TUBA4A: variants seen among roughly 807,000 people sequenced by gnomAD.
The protein encoded by TUBA4A is tubulin alpha-4A chain.
TUBA4A carries 23 observed loss-of-function variants against 34.3 expected under a neutral mutation model. That is an observed-to-expected ratio of 0.67 (90% CI 0.48 to 0.95). The LOEUF is 0.95. Among genes scored for constraint, TUBA4A ranks in the 40% least tolerant of loss-of-function variants. TUBA4A has a pLI of 0.00. For missense variants in TUBA4A, 279 were observed against 599.0 expected (o/e 0.47, Z 5.58); for synonymous variants, 216 against 230.5 (o/e 0.94, Z 0.57).
rs1241361124 is a variant in TUBA4A at position 219,252,134 on chromosome 2, C to T, written c.100G>A (p.Gly34Arg). ...YCLEHGIQPDGQMPSDKTIGG... is the reference protein window; with the variant it reads ...YCLEHGIQPDRQMPSDKTIGG... ...ATGGTCTTGTCACTGGGCATCTGCC[C>T]ATCAGGCTGAATCCCATGTTCCAAG... is the stretch of plus-strand genomic sequence containing the variant. The change falls in exon 2 of 4, where the codon GGG becomes AGG. Residue 34 changes from glycine to arginine, a missense_variant. Gly to Arg is a moderately radical substitution (Grantham distance 125, BLOSUM62 -2). Around this residue, in one of 3 missense-constraint regions of TUBA4A, gnomAD observed 98 missense variants for 171.1 expected, o/e 0.57. Transcript: ENST00000248437. This position sits in a 1 kb window ranked among gnomAD's most constrained non-coding sequence, Gnocchi z 4.1. 1 of 1,614,212 alleles carries T rather than the reference C, an allele frequency of 6.2e-7. No individual in the cohort carries two copies.
chr2:219,253,766 T>G (rs1951688372), intron 1 of TUBA4A, 90 bp downstream of exon 1: 1 of 1,456,126 alleles, frequency 6.9e-7, no homozygotes, highest in African/African-American at 1.4e-5. Context: ...GAACGCCCGG[T>G]GGAGGTCCCC....
Position 219,250,508 on chromosome 2 carries a change from C to T in TUBA4A, c.1191G>A (p.Leu397=). ...GCACAAACGCCCTCTTGGCATACAT[C>T]AGGTCGAACTTGTGGTCCAGGCGGG... is the stretch of plus-strand genomic sequence containing the variant. The part of the protein sequence containing the change: ...AWARLDHKFD[L]MYAKRAFVHW... The change falls in exon 4 of 4, where the codon CTG becomes CTA. Residue 397 remains leucine, a synonymous_variant. Coordinates refer to ENST00000248437, the MANE Select transcript of TUBA4A (RefSeq NM_006000.3). The surrounding 1 kb of genome is among the most constrained non-coding windows in gnomAD (Gnocchi z 8.4). 1 of 1,614,230 alleles carries T rather than the reference C, an allele frequency of 6.2e-7. No homozygotes were observed. Among genetic ancestry groups the T allele is most frequent in the South Asian group, 1.1e-5 (1 of 91,080 alleles).
At position 219,250,763 on chromosome 2, in the gene TUBA4A, G is replaced by A. The variant is rs1032982305; in HGVS notation, c.936C>T (p.Tyr312=). Residue 312 remains tyrosine, a synonymous_variant, in exon 4 of 4, where the codon TAC becomes TAT. Transcript: ENST00000248437. This position sits in a 1 kb window ranked among gnomAD's most constrained non-coding sequence, Gnocchi z 8.4. ...CACGGTACAGCAGGCAGCAGGCCAT[G>A]TACTTGCCGTGCCGGGGATCACACT... The part of the protein sequence containing the change: ...MVKCDPRHGK[Y]MACCLLYRGD... 18 of 1,614,130 alleles carry A rather than the reference G, an allele frequency of 1.1e-5. No individual in the cohort carries two copies. In the African/African-American group the frequency reaches 1.5e-4, roughly 13 times the overall value.
intron 1 of TUBA4A, 55 bp downstream of exon 1, chr2:219,253,801 C>T: frequency 6.5e-7 from 1 of 1,537,818 alleles, no homozygotes; most frequent in Non-Finnish European, 8.8e-7. Flanking sequence ...GAAGTGTCCC[C>T]CAAAGGAGAG....
rs1951621336 is a variant in TUBA4A, at chr2:219,250,173, G to T, written c.*179C>A. The T allele has an allele frequency of 2.2e-6, 2 of 918,676 alleles. No individual in the cohort carries two copies. The highest frequency in any genetic ancestry group is 1.6e-5 in the South Asian group (1 of 60,696). 56.9% of individuals were successfully genotyped at this position (918,676 alleles called of 1,614,324 possible). ...GGGCCTGGCAAGAACCCCTTTGCAG[G>T]TCTCACCTTCAGCGATGGAAGGGAT... is the stretch of plus-strand genomic sequence containing the variant. On this transcript the variant is annotated 3_prime_UTR_variant, in exon 4 of 4. Transcript: ENST00000248437. The surrounding 1 kb of genome is among the most constrained non-coding windows in gnomAD (Gnocchi z 8.4).
Position 219,252,862 on chromosome 2 carries a change from T to C in TUBA4A, c.4-632A>G, listed in dbSNP as rs1951671101. The stretch of plus-strand genomic sequence containing the variant: ...AGACAGCAGGGGCCAGCAATAAGGT[T>C]TGAGGGTACTGGGGCGCTCACTGCC... On this transcript the variant is annotated intron_variant, in intron 1 of 3. Transcript: ENST00000248437. This position sits in a 1 kb window ranked among gnomAD's most constrained non-coding sequence, Gnocchi z 4.1. The C allele has an allele frequency of 4.2e-6, 2 of 472,254 alleles. No individual in the cohort carries two copies. The highest frequency in any genetic ancestry group is 2.3e-5 in the Admixed American group (1 of 42,564). 29.3% of individuals were successfully genotyped at this position (472,254 alleles called of 1,614,324 possible).
Position 219,252,696 on chromosome 2 carries a change from C to G in TUBA4A, c.4-466G>C. The G allele has an allele frequency of 2.2e-6, 1 of 449,690 alleles. No homozygotes were observed. Among genetic ancestry groups the G allele is most frequent in the Admixed American group, 2.4e-5 (1 of 41,406 alleles). 27.9% of individuals were successfully genotyped at this position (449,690 alleles called of 1,614,324 possible). ...GCCATCAGGATGCCCTCCTCCCTCA[C>G]CTTTAAATCCCATCTGGCTCTGGGG... On this transcript the variant is annotated intron_variant, in intron 1 of 3. Coordinates refer to ENST00000248437, the MANE Select transcript of TUBA4A (RefSeq NM_006000.3). This position sits in a 1 kb window ranked among gnomAD's most constrained non-coding sequence, Gnocchi z 4.1.
Position 219,253,892 on chromosome 2 carries a change from G to C in TUBA4A, c.-34C>G, listed in dbSNP as rs1559277953. Reference sequence around the variant, plus strand: ...CGGGCGGTGCGTCTCACGTTGAGTCGGGGTGACAGGTCTCAGTGAGAACTG... The same window carrying C: ...CGGGCGGTGCGTCTCACGTTGAGTCCGGGTGACAGGTCTCAGTGAGAACTG... On this transcript the variant is annotated 5_prime_UTR_variant, in exon 1 of 4. Transcript: ENST00000248437. 1 of 1,427,486 alleles carries C rather than the reference G, an allele frequency of 7.0e-7. No individual in the cohort carries two copies. Among genetic ancestry groups the C allele is most frequent in the Non-Finnish European group, 9.2e-7 (1 of 1,089,008 alleles). The allele number at this position is 1,427,486 out of a possible 1,614,324, so 88.4% of individuals were successfully genotyped here. A position where few individuals can be genotyped will look rare whatever the true frequency, so the allele number is the denominator to read the frequency against.
chr2:219,253,106 C>G, intron 1 of TUBA4A: 1 of 1,457,942 alleles, frequency 6.9e-7, no homozygotes, highest in Non-Finnish European at 9.3e-7. Flanking sequence ...CCTCTGGAGT[C>G]TTTACAGTTA....
Position 219,251,414 on chromosome 2 carries a change from G to T in TUBA4A, c.376-91C>A. 1 of 1,537,496 alleles carries T rather than the reference G, an allele frequency of 6.5e-7. No homozygotes were observed. ...GCTCCATAAAGCGTAAGATACATCA[G>T]CAGTCAGGGCAAATACTGAGGATGC... is the stretch of plus-strand genomic sequence containing the variant. On this transcript the variant is annotated intron_variant, in intron 3 of 3. Transcript: ENST00000248437. This position sits in a 1 kb window ranked among gnomAD's most constrained non-coding sequence, Gnocchi z 6.1.
chr2:219,252,016 G>C lies in TUBA4A; in HGVS notation c.218C>G (p.Thr73Arg). 6.2e-7 allele frequency: 1 copy of C among 1,614,054 alleles called. No homozygotes were observed. The highest frequency in any genetic ancestry group is 8.5e-7 in the Non-Finnish European group (1 of 1,179,968). ...PRAVFVDLEP[T>R]VIDEIRNGPY... is the part of the protein sequence containing the mutation. ...TCCCCACTTCCTCTCACCAATGACC[G>C]TAGGCTCCAGATCCACAAAAACTGC... Residue 73 changes from threonine to arginine, a missense_variant, in exon 2 of 4, where the codon ACG (threonine) becomes AGG (arginine). By Grantham distance (71) the Thr-to-Arg change is moderately conservative. Coordinates refer to ENST00000248437, the MANE Select transcript of TUBA4A (RefSeq NM_006000.3). The surrounding 1 kb of genome is among the most constrained non-coding windows in gnomAD (Gnocchi z 4.1).
Position 219,252,549 on chromosome 2 carries a change from C to A in TUBA4A, c.4-319G>T, listed in dbSNP as rs867293908. Among the ~76,000 whole-genome samples the A allele has an allele frequency of 6.6e-6, 1 of 150,758 alleles. No homozygotes were observed. The highest frequency in any genetic ancestry group is 2.1e-4 in the South Asian group (1 of 4,756). On this transcript the variant is annotated intron_variant, in intron 1 of 3. Transcript: ENST00000248437. This position sits in a 1 kb window ranked among gnomAD's most constrained non-coding sequence, Gnocchi z 4.1. ...GGGTTTACAGCTAGAGGCCCCCCCC[C>A]CACTTGATTAATTATTTGCTTTGAG... is the stretch of plus-strand genomic sequence containing the variant.
chr2:219,253,778 A>C, intron 1 of TUBA4A, 78 bp downstream of exon 1: 10 of 1,487,898 alleles, frequency 6.7e-6, no homozygotes, highest in Non-Finnish European at 8.2e-6. Flanking sequence ...GAGGTCCCCG[A>C]GCATGCCTGG....
Position 219,250,801 on chromosome 2 carries a change from T to C in TUBA4A, c.898A>G (p.Asn300Asp), listed in dbSNP as rs1472304455. The change falls in exon 4 of 4, where the codon AAC (asparagine) becomes GAC (aspartate). Residue 300 changes from asparagine (N) to aspartate (D), a missense_variant. Transcript: ENST00000248437. The surrounding 1 kb of genome is among the most constrained non-coding windows in gnomAD (Gnocchi z 8.4). Reference sequence around the variant, plus strand: ...CGGGGATCACACTTTACCATCTGGTTGGCAGGCTCAAAGCAGGCATTGGTG... The same window carrying C: ...CGGGGATCACACTTTACCATCTGGTCGGCAGGCTCAAAGCAGGCATTGGTG... ...EITNACFEPA[N>D]QMVKCDPRHG... 13 of 1,614,210 alleles carry C rather than the reference T, an allele frequency of 8.1e-6. No homozygotes were observed. The highest frequency in any genetic ancestry group is 1.1e-5 in the Non-Finnish European group (13 of 1,180,036).
In TUBA4A at chr2:219,250,390, T is replaced by A. The variant is rs753485163; in HGVS notation, c.1309A>T (p.Ile437Phe). The A allele has an allele frequency of 1.2e-5, 20 of 1,614,128 alleles. No individual in the cohort carries two copies. The highest frequency in any genetic ancestry group is 1.7e-6 in the Non-Finnish European group (2 of 1,179,964). ...TCATCCTCGTCCTCATAGGAGTCGA[T>A]GCCCACCTCCTCATAATCCTTCTCC... Reference protein sequence around the residue: ...ALEKDYEEVGIDSYEDEDEGE... With the variant: ...ALEKDYEEVGFDSYEDEDEGE... The change falls in exon 4 of 4, where the codon ATC becomes TTC. Residue 437 changes from isoleucine (I) to phenylalanine (F), a missense_variant. Around this residue, in one of 3 missense-constraint regions of TUBA4A, gnomAD observed 73 missense variants for 128.0 expected, o/e 0.57. Transcript: ENST00000248437. This position sits in a 1 kb window ranked among gnomAD's most constrained non-coding sequence, Gnocchi z 8.4.
At position 219,250,380 on chromosome 2, in the gene TUBA4A, T is replaced by C. The variant is rs376008810; in HGVS notation, c.1319A>G (p.Tyr440Cys). The C allele has an allele frequency of 2.5e-6, 4 of 1,613,766 alleles. No homozygotes were observed. The African/African-American group carries it at 4.0e-5, about 16-fold the overall frequency. Residue 440 changes from tyrosine to cysteine, a missense_variant, in exon 4 of 4, where the codon TAT becomes TGT. Physicochemically the swap from Tyr to Cys is radical, Grantham distance 194. Transcript: ENST00000248437. This position sits in a 1 kb window ranked among gnomAD's most constrained non-coding sequence, Gnocchi z 8.4. ...TTCTTCTCCCTCATCCTCGTCCTCA[T>C]AGGAGTCGATGCCCACCTCCTCATA... ...KDYEEVGIDS[Y>C]EDEDEGEE
At chr2:219,254,189 A>G, upstream of TUBA4A, 1 of 282,892 alleles carries the variant, frequency 3.5e-6, no homozygotes, top group Non-Finnish European at 6.6e-6. Flanking sequence ...CTCCGCGGAG[A>G]TGCAGGGTGC....
chr2:219,251,828 G>A lies in TUBA4A; in HGVS notation c.227-115C>T, dbSNP rs745884341. 3.5e-5 allele frequency: 50 copies of A among 1,442,212 alleles called. No homozygotes were observed. Among genetic ancestry groups the A allele is most frequent in the Non-Finnish European group, 4.4e-5 (47 of 1,068,356 alleles). The allele number at this position is 1,442,212 out of a possible 1,614,324, so 89.3% of individuals were successfully genotyped here. ...CCTCCTGCCAGCCTGAGATACCAGA[G>A]TGTGAGAGAAACCCAGACCAGCTGC... On this transcript the variant is annotated intron_variant, in intron 2 of 3. Transcript: ENST00000248437. The surrounding 1 kb of genome is among the most constrained non-coding windows in gnomAD (Gnocchi z 6.1).
upstream of TUBA4A, chr2:219,253,950 C>CGGGG (rs3051654): frequency 5.9e-6 from 3 of 508,806 alleles, no homozygotes; most frequent in Non-Finnish European, 8.7e-6. Context: ...CCCTTATAGG[C>CGGGG]GGGGGGGGGG....
Sources: gnomAD v4.1 joint callset for allele counts (sites outside exome capture counted in the v4.1 genomes callset) on GRCh38, gnomAD v4.1.1 for gene constraint, gnomAD v4.1.1 regional missense constraint, Gnocchi (gnomAD v3.1) non-coding constraint, MANE v1.5 for transcripts, NCBI Gene and HGNC (gene_info 2026-07-23, HGNC 2026-07-21) for gene names.